Variants in MREG observed in about 807,000 individuals in gnomAD.
MREG encodes the protein dilute suppressor protein homolog.
MREG carries 31 observed loss-of-function variants against 28.5 expected under a neutral mutation model. That is an observed-to-expected ratio of 1.09 (90% CI 0.82 to 1.47). The LOEUF (loss-of-function observed/expected upper bound fraction) is 1.47. Among genes scored for constraint, MREG ranks in the 40% most tolerant of loss-of-function variants. MREG has a pLI of 0.00. For missense variants in MREG, 256 were observed against 257.4 expected (o/e 0.99, Z 0.04); for synonymous variants, 106 against 95.2 (o/e 1.11, Z -0.66).
chr2:216,011,079 G>C (rs547905941), intron 1 of MREG, among the ~76,000 whole-genome samples: 4 of 136,472 alleles, frequency 2.9e-5, no homozygotes, highest in East Asian at 4.4e-4. Context: ...CTGGGCAACA[G>C]AGCAAGACTC....
chr2:215,943,681 A>T lies in MREG; in HGVS notation c.*1182T>A. The T allele has an allele frequency of 2.9e-6, 1 of 346,350 alleles. No individual in the cohort carries two copies. Among genetic ancestry groups the T allele is most frequent in the Non-Finnish European group, 5.7e-6 (1 of 174,890 alleles). The allele number at this position is 346,350 out of a possible 1,614,324, so 21.5% of individuals were successfully genotyped here. On this transcript the variant is annotated 3_prime_UTR_variant, in exon 5 of 5. Coordinates refer to ENST00000263268, the MANE Select transcript of MREG (RefSeq NM_018000.3). ...ATGGTGAAACCCCGTCTCTACTAAA[A>T]ATACAAAAAATTAGCCAGGTGTGGT... is the stretch of plus-strand genomic sequence containing the variant.
At chr2:216,010,458 C>T (rs1488302590) in intron 1 of MREG, among the ~76,000 whole-genome samples, 1 of 144,506 alleles carries the variant, frequency 6.9e-6, no homozygotes, top group African/African-American at 2.5e-5. Flanking sequence ...CCCGGGTTCA[C>T]GCCATTCTCC....
At position 216,002,109 on chromosome 2, in the gene MREG, T is replaced by A. The variant is rs146613858; in HGVS notation, c.96-5644A>T. On this transcript the variant is annotated intron_variant, in intron 1 of 4. Transcript: ENST00000263268. Reference sequence around the variant, plus strand: ...TGTGTTTCCCCTGGCCACCACCTGCTGATGATAAATATTTTATTAACATCA... The same window carrying A: ...TGTGTTTCCCCTGGCCACCACCTGCAGATGATAAATATTTTATTAACATCA... Among the ~76,000 whole-genome samples, 27 of 152,328 alleles carry A rather than the reference T, an allele frequency of 1.8e-4. No homozygotes were observed. The East Asian group carries it at 4.8e-3, about 27-fold the overall frequency.
intron 1 of MREG, among the ~76,000 whole-genome samples, chr2:215,998,684 C>A (rs1024745109): frequency 5.9e-5 from 9 of 152,182 alleles, no homozygotes; most frequent in Admixed American, 1.3e-4. Flanking sequence ...AATGATGAAC[C>A]AGTGAAAGAG....
chr2:216,024,968 GAAAGGAA>G (rs1232162890), intron 1 of MREG, among the ~76,000 whole-genome samples: 1 of 140,902 alleles, frequency 7.1e-6, no homozygotes, highest in East Asian at 2.1e-4. Context: ...GAAAGGAAAG[GAAAGGAA>G]AAAGGAAAAG....
chr2:216,004,317 T>C (rs1694095197), intron 1 of MREG, among the ~76,000 whole-genome samples: 1 of 152,196 alleles, frequency 6.6e-6, no homozygotes. Flanking sequence ...TCTCCTAGTT[T>C]ACTTATTATG....
chr2:215,957,749 A>G (rs150564350), intron 2 of MREG, among the ~76,000 whole-genome samples: 2,096 of 152,126 alleles, frequency 0.014, 51 homozygotes, highest in African/African-American at 0.048. Context: ...TCTCAAAAGG[A>G]AGCCTCTCCT....
intron 2 of MREG, among the ~76,000 whole-genome samples, chr2:215,953,996 T>C (rs1466481085): frequency 6.6e-6 from 1 of 152,252 alleles, no homozygotes; most frequent in African/African-American, 2.4e-5. Context: ...TCCCAATCTT[T>C]CTGTCCCAGA....
chr2:215,989,105 C>A (rs999254172), intron 2 of MREG, among the ~76,000 whole-genome samples: 1 of 152,204 alleles, frequency 6.6e-6, no homozygotes, highest in African/African-American at 2.4e-5. Context: ...CCAGGAGACA[C>A]CTCCCAGCAG....
rs552631495 is a variant in MREG at position 215,969,103 on chromosome 2, T to G, written c.256-21990A>C. Among the ~76,000 whole-genome samples the G allele has an allele frequency of 2.6e-5, 4 of 152,288 alleles. No individual in the cohort carries two copies. The South Asian group carries it at 8.3e-4, about 32-fold the overall frequency. On this transcript the variant is annotated intron_variant, in intron 2 of 4. Coordinates refer to ENST00000263268, the MANE Select transcript of MREG (RefSeq NM_018000.3). Reference sequence around the variant, plus strand: ...TGTGTTATTCTTCCCAGACATCAGATTTGAGTTTTAAAGGGGCCTTTAGTA... The same window carrying G: ...TGTGTTATTCTTCCCAGACATCAGAGTTGAGTTTTAAAGGGGCCTTTAGTA...
chr2:216,013,429 G>C lies in MREG; in HGVS notation c.-102C>G, dbSNP rs1282317103. On this transcript the variant is annotated 5_prime_UTR_variant, in exon 1 of 5. Coordinates refer to ENST00000263268, the MANE Select transcript of MREG (RefSeq NM_018000.3). ...CCACCGCGCCAGCGTCCAGGTGCGG[G>C]GACAGCGGCAGCCCGGGCGTCGCGG... The C allele has an allele frequency of 5.0e-5, 38 of 758,574 alleles. No individual in the cohort carries two copies. Among genetic ancestry groups the C allele is most frequent in the Non-Finnish European group, 3.5e-6 (2 of 565,662 alleles). 47.0% of individuals were successfully genotyped at this position (758,574 alleles called of 1,614,324 possible).
chr2:215,989,502 C>T (rs1362661901), intron 2 of MREG, among the ~76,000 whole-genome samples: 1 of 152,100 alleles, frequency 6.6e-6, no homozygotes, highest in Non-Finnish European at 1.5e-5. Context: ...CAAAGGATCA[C>T]AACTCTTTAC....
upstream of MREG, chr2:216,033,067 C>G (rs996821171): frequency 1.3e-5 from 2 of 152,124 alleles, no homozygotes; most frequent in African/African-American, 4.8e-5. Flanking sequence ...ACCTTTACAC[C>G]TTTTAGTTGG....
intron 1 of MREG, among the ~76,000 whole-genome samples, chr2:216,010,747 T>G (rs1694281034): frequency 6.6e-6 from 1 of 152,072 alleles, no homozygotes; most frequent in African/African-American, 2.4e-5. Context: ...AGTATTTCTT[T>G]TAATTAATAA....
chr2:215,988,454 T>A (rs1693636397), intron 2 of MREG, among the ~76,000 whole-genome samples: 1 of 152,134 alleles, frequency 6.6e-6, no homozygotes, highest in African/African-American at 2.4e-5. Context: ...GTTTCAAGCA[T>A]AAAACGAAGT....
chr2:216,018,055 C>T (rs1412818143), upstream of MREG, among the ~76,000 whole-genome samples: 6 of 151,548 alleles, frequency 4.0e-5, no homozygotes, highest in South Asian at 2.1e-4. Context: ...CCCAGCTACT[C>T]GGGAGGCTGA....
At chr2:215,953,793 G>A (rs1481067805) in intron 2 of MREG, among the ~76,000 whole-genome samples, 1 of 152,122 alleles carries the variant, frequency 6.6e-6, no homozygotes, top group Non-Finnish European at 1.5e-5. Context: ...TCTTTTTCTG[G>A]CCCTTGCATT....
At chr2:215,995,794 G>T (rs1264211899) in intron 2 of MREG, among the ~76,000 whole-genome samples, 1 of 152,036 alleles carries the variant, frequency 6.6e-6, no homozygotes, top group Non-Finnish European at 1.5e-5. Flanking sequence ...TATTGTGAGG[G>T]TTCAAGGCTT....
chr2:216,001,063 TC>T (rs1694003399), intron 1 of MREG, among the ~76,000 whole-genome samples: 1 of 151,924 alleles, frequency 6.6e-6, no homozygotes, highest in African/African-American at 2.4e-5. Context: ...CACTATCACT[TC>T]TTTTCCTCTT....
Sources: gnomAD v4.1 joint callset for allele counts (sites outside exome capture counted in the v4.1 genomes callset) on GRCh38, gnomAD v4.1.1 for gene constraint, MANE v1.5 for transcripts, NCBI Gene and HGNC (gene_info 2026-07-23, HGNC 2026-07-21) for gene names.